Variants in FGD4 observed in about 807,000 individuals in gnomAD.
FGD4 encodes FYVE, RhoGEF and PH domain-containing protein 4.
FGD4 carries 42 observed loss-of-function variants against 102.0 expected under a neutral mutation model. The ratio of observed to expected loss-of-function variants is 0.41; its 90% confidence interval spans 0.32 to 0.53. FGD4 has a LOEUF of 0.53. FGD4 is among the 20% of genes least tolerant of loss of function. The pLI is 0.21. For synonymous variants in FGD4, 380 were observed against 375.7 expected, an observed-to-expected ratio of 1.01 and a Z score of -0.13; for missense variants, 902 against 1,078.2, an observed-to-expected ratio of 0.84 and a Z score of 2.29.
intron 4 of FGD4, among the ~76,000 whole-genome samples, chr12:32,593,572 G>A (rs75046742): frequency 0.021 from 3,233 of 152,298 alleles, 43 homozygotes; most frequent in Admixed American, 0.033. Flanking sequence ...GCCAAGTTCA[G>A]CTAAAGCATG....
intron 1 of FGD4, 91 bp from the exon 2 acceptor site, chr12:32,564,034 GGAGGGGGAGGGA>G: frequency 1.9e-6 from 2 of 1,062,314 alleles, no homozygotes; most frequent in Non-Finnish European, 2.6e-6. Flanking sequence ...AGAGGGAGGG[GGAGGGGGAGGGA>G]GAGGGAGTGG....
intron 10 of FGD4, among the ~76,000 whole-genome samples, chr12:32,618,667 A>G (rs1229403216): frequency 2.6e-5 from 4 of 152,110 alleles, no homozygotes; most frequent in African/African-American, 4.8e-5. Flanking sequence ...CCCTGTATCT[A>G]CAAAAAAAAT....
chr12:32,556,247 TA>T (rs1006294213), intron 1 of FGD4, among the ~76,000 whole-genome samples: 10 of 152,190 alleles, frequency 6.6e-5, no homozygotes, highest in African/African-American at 1.9e-4. Context: ...GGGTATGCTT[TA>T]AAATTTTTTT....
At chr12:32,579,330 T>C (rs1415953245) in intron 3 of FGD4, among the ~76,000 whole-genome samples, 2 of 152,060 alleles carry the variant, frequency 1.3e-5, no homozygotes, top group African/African-American at 2.4e-5. Flanking sequence ...CGGCGTGAGC[T>C]ACCGTGCCCG....
chr12:32,496,470 A>G (rs7311888), intron 1 of FGD4, among the ~76,000 whole-genome samples: 3,552 of 152,200 alleles, frequency 0.023, 92 homozygotes, highest in South Asian at 0.094. Context: ...AAAAGTCTTT[A>G]TTTCTTATAC....
intron 1 of FGD4, among the ~76,000 whole-genome samples, chr12:32,492,526 A>T (rs1944136602): frequency 6.6e-6 from 1 of 152,218 alleles, no homozygotes; most frequent in South Asian, 2.1e-4. Flanking sequence ...AAAACAATTG[A>T]TGTTAGTTGC....
chr12:32,414,517 A>C (rs1031698188), intron 1 of FGD4, among the ~76,000 whole-genome samples: 1 of 152,122 alleles, frequency 6.6e-6, no homozygotes, highest in African/African-American at 2.4e-5. Context: ...TCAAGTACTA[A>C]GTCTTACTTA....
At chr12:32,442,093 A>G (rs1591908869) in intron 1 of FGD4, among the ~76,000 whole-genome samples, 1 of 141,220 alleles carries the variant, frequency 7.1e-6, no homozygotes, top group South Asian at 2.2e-4. Flanking sequence ...TCGCTGTGTC[A>G]CCCAGGCTGG....
intron 1 of FGD4, among the ~76,000 whole-genome samples, chr12:32,477,743 T>C (rs1943618738): frequency 6.6e-6 from 1 of 152,216 alleles, no homozygotes. Flanking sequence ...CTTTAAGAGT[T>C]GTGAACAATG....
intron 1 of FGD4, among the ~76,000 whole-genome samples, chr12:32,501,723 G>A (rs971886717): frequency 3.3e-5 from 5 of 152,178 alleles, no homozygotes; most frequent in African/African-American, 7.2e-5. Context: ...TATAAAAGCA[G>A]TTTCAGTTCT....
chr12:32,553,163 T>TCACC (rs1943841222), intron 1 of FGD4, among the ~76,000 whole-genome samples: 1 of 151,464 alleles, frequency 6.6e-6, no homozygotes, highest in East Asian at 1.9e-4. Context: ...ATCCCGAGAG[T>TCACC]GGTGGAGCAG....
chr12:32,485,657 G>A (rs1197104464), intron 1 of FGD4, among the ~76,000 whole-genome samples: 1 of 151,834 alleles, frequency 6.6e-6, no homozygotes, highest in Non-Finnish European at 1.5e-5. Context: ...TGTTAGCCAG[G>A]ATGGTCTCGA....
At chr12:32,465,307 G>T (rs1020572249) in intron 1 of FGD4, among the ~76,000 whole-genome samples, 2 of 151,732 alleles carry the variant, frequency 1.3e-5, no homozygotes, top group Admixed American at 6.6e-5. Flanking sequence ...CTTGTCTTAA[G>T]AAATTGCCAT....
intron 4 of FGD4, among the ~76,000 whole-genome samples, chr12:32,587,129 G>T (rs1947105667): frequency 6.8e-6 from 1 of 147,042 alleles, no homozygotes; most frequent in Admixed American, 7.0e-5. Flanking sequence ...TGTGGAGGTT[G>T]CAGTGAGCCT....
At chr12:32,421,122 G>C (rs1292207157) in intron 1 of FGD4, among the ~76,000 whole-genome samples, 1 of 152,128 alleles carries the variant, frequency 6.6e-6, no homozygotes, top group Non-Finnish European at 1.5e-5. Flanking sequence ...GTGATCATGA[G>C]TTTCTTAATA....
At chr12:32,460,974 A>G (rs2136494976) in intron 1 of FGD4, among the ~76,000 whole-genome samples, 1 of 152,354 alleles carries the variant, frequency 6.6e-6, no homozygotes, top group East Asian at 1.9e-4. Flanking sequence ...GAGATAAAGA[A>G]TACAAGTAAC....
chr12:32,575,453 G>A (rs1024736508), intron 2 of FGD4, among the ~76,000 whole-genome samples: 1 of 152,132 alleles, frequency 6.6e-6, no homozygotes, highest in Admixed American at 6.6e-5. Context: ...GGAACTAATG[G>A]AGCAAGAACC....
intron 1 of FGD4, among the ~76,000 whole-genome samples, chr12:32,472,674 C>T (rs528089863): frequency 1.3e-5 from 2 of 152,248 alleles, no homozygotes; most frequent in South Asian, 2.1e-4. Flanking sequence ...CTGAGGAATG[C>T]GAGTGCGGGG....
intron 1 of FGD4, chr12:32,502,274 G>A: frequency 2.0e-6 from 2 of 985,458 alleles, no homozygotes; most frequent in Non-Finnish European, 1.2e-6. Context: ...AAGAACAAAT[G>A]AAGGGAGTTT....
Sources: gnomAD v4.1 joint callset for allele counts (sites outside exome capture counted in the v4.1 genomes callset) on GRCh38, gnomAD v4.1.1 for gene constraint, MANE v1.5 for transcripts, NCBI Gene and HGNC (gene_info 2026-07-23, HGNC 2026-07-21) for gene names.